The following GPHN variants were observed in gnomAD, a reference collection of about 807,000 sequenced individuals.
GPHN encodes the protein gephyrin.
In GPHN, 17 loss-of-function variants were observed where a neutral mutation model predicts 95.5. The observed-to-expected ratio is 0.18, with a 90% confidence interval of 0.12 to 0.27. The LOEUF is 0.27. GPHN is among the 10% of genes least tolerant of loss of function. The pLI, the probability that GPHN is intolerant of heterozygous loss-of-function variation, is 1.00. For missense variants in GPHN, 660 were observed against 978.1 expected (o/e 0.67, Z 4.34); for synonymous variants, 320 against 322.5 (o/e 0.99, Z 0.08).
chr14:67,075,424 A>G (rs1054670095), intron 11 of GPHN, among the ~76,000 whole-genome samples: 4 of 152,190 alleles, frequency 2.6e-5, no homozygotes, highest in Non-Finnish European at 5.9e-5. Context: ...GTTTTCATGC[A>G]TGCTAATACA....
At chr14:66,761,474 T>C (rs2058752461) in intron 2 of GPHN, among the ~76,000 whole-genome samples, 1 of 152,168 alleles carries the variant, frequency 6.6e-6, no homozygotes, top group South Asian at 2.1e-4. Flanking sequence ...ACTTCCTGTT[T>C]TCGTTTATTT....
At chr14:67,571,826 G>C in the GPHN span, 1 of 1,613,956 alleles carries the variant, frequency 6.2e-7, no homozygotes, top group Admixed American at 1.7e-5. Context: ...GCTCTCAGGC[G>C]AGTTTCCGAA....
intron 8 of GPHN, among the ~76,000 whole-genome samples, chr14:66,932,507 A>C (rs551246729): frequency 8.5e-6 from 1 of 117,664 alleles, no homozygotes; most frequent in African/African-American, 3.3e-5. Flanking sequence ...CTTCTGGCCC[A>C]AGGTGGGTTT....
chr14:66,577,211 A>G (rs1182685033), intron 1 of GPHN, among the ~76,000 whole-genome samples: 2 of 152,138 alleles, frequency 1.3e-5, no homozygotes, highest in African/African-American at 4.8e-5. Context: ...GTGGCATGGG[A>G]CTTGAAATAG....
At chr14:67,578,635 A>G in the GPHN span, 1 of 1,578,314 alleles carries the variant, frequency 6.3e-7, no homozygotes, top group Non-Finnish European at 8.7e-7. The surrounding 1 kb of genome is among the most constrained non-coding windows in gnomAD (Gnocchi z 5.0). Context: ...ATCCCAGGTG[A>G]GTGAACCTGG....
intron 1 of GPHN, among the ~76,000 whole-genome samples, chr14:66,660,912 C>T (rs2065604787): frequency 6.6e-6 from 1 of 152,172 alleles, no homozygotes; most frequent in Non-Finnish European, 1.5e-5. Context: ...GCCCCTCCCA[C>T]AGATCTTTAC....
At chr14:67,656,445 G>A in the GPHN span, 7 of 1,612,670 alleles carry the variant, frequency 4.3e-6, no homozygotes, top group African/African-American at 5.4e-5. Context: ...AACTGGTCTC[G>A]TTGTTCCCCC....
the GPHN span, among the ~76,000 whole-genome samples, chr14:67,574,756 C>T: frequency 1.5e-4 from 23 of 152,102 alleles, no homozygotes; most frequent in Admixed American, 1.4e-3. The surrounding 1 kb of genome is among the most constrained non-coding windows in gnomAD (Gnocchi z 4.2). Flanking sequence ...AGGTATGGCT[C>T]CTCAAAGACT....
At chr14:67,113,722 G>A (rs2078511301) in intron 16 of GPHN, among the ~76,000 whole-genome samples, 1 of 152,068 alleles carries the variant, frequency 6.6e-6, no homozygotes. Flanking sequence ...TTTAGAATGG[G>A]TCAAAATGTC....
At chr14:66,617,409 C>A (rs1488118221) in intron 1 of GPHN, among the ~76,000 whole-genome samples, 1 of 131,676 alleles carries the variant, frequency 7.6e-6, no homozygotes, top group Non-Finnish European at 1.5e-5. Flanking sequence ...CACGGTTTCC[C>A]CAGCTGGGTG....
chr14:67,460,663 C>T, the GPHN span, among the ~76,000 whole-genome samples: 1 of 152,122 alleles, frequency 6.6e-6, no homozygotes, highest in East Asian at 1.9e-4. Flanking sequence ...AAGATTGCAC[C>T]ACTGCTTTCC....
chr14:66,585,480 T>C (rs966133934), intron 1 of GPHN, among the ~76,000 whole-genome samples: 4 of 152,214 alleles, frequency 2.6e-5, no homozygotes, highest in African/African-American at 9.6e-5. Context: ...ATTGTGATGT[T>C]AGGGTGTCAA....
chr14:67,387,413 A>G, the GPHN span: 1 of 1,610,354 alleles, frequency 6.2e-7, no homozygotes, highest in Non-Finnish European at 8.5e-7. Flanking sequence ...TGTCATCCTT[A>G]GTAATCACTT....
At chr14:67,516,404 G>T in the GPHN span, among the ~76,000 whole-genome samples, 4 of 152,128 alleles carry the variant, frequency 2.6e-5, no homozygotes, top group Non-Finnish European at 5.9e-5. Flanking sequence ...GGAGAGGGGG[G>T]GAAATGAGGA....
the GPHN span, chr14:67,398,061 A>C: frequency 2.7e-6 from 1 of 363,786 alleles, no homozygotes. Flanking sequence ...AGAAACTACA[A>C]AGTAAAAAGA....
the GPHN span, among the ~76,000 whole-genome samples, chr14:67,303,834 C>A: frequency 2.0e-5 from 3 of 151,278 alleles, no homozygotes; most frequent in African/African-American, 7.3e-5. Context: ...GTGGTGTGAT[C>A]TTGGCTCACT....
At chr14:66,783,411 A>G (rs1285255039) in intron 3 of GPHN, among the ~76,000 whole-genome samples, 1 of 152,148 alleles carries the variant, frequency 6.6e-6, no homozygotes, top group East Asian at 1.9e-4. Flanking sequence ...CCCAGTGGAA[A>G]CAAGCTGTGC....
At chr14:67,377,250 A>G in the GPHN span, among the ~76,000 whole-genome samples, 1 of 152,092 alleles carries the variant, frequency 6.6e-6, no homozygotes. Flanking sequence ...GCCTTGGATC[A>G]ATGTTCCTGC....
At chr14:67,176,781 G>A (rs980804808) in intron 21 of GPHN, among the ~76,000 whole-genome samples, 4 of 152,034 alleles carry the variant, frequency 2.6e-5, no homozygotes, top group Admixed American at 2.0e-4. Flanking sequence ...TCAGAGATTC[G>A]ACTTCTTCCT....
Sources: gnomAD v4.1 joint callset for allele counts (sites outside exome capture counted in the v4.1 genomes callset) on GRCh38, gnomAD v4.1.1 for gene constraint, Gnocchi (gnomAD v3.1) non-coding constraint, MANE v1.5 for transcripts, NCBI Gene and HGNC (gene_info 2026-07-23, HGNC 2026-07-21) for gene names.